Variants in ESR1 observed in about 807,000 individuals in gnomAD.
ESR1 encodes the protein estrogen receptor 1, also known as estrogen receptor.
Under a neutral mutation model 52.7 loss-of-function variants are expected in ESR1, and 12 were observed. The ratio of observed to expected loss-of-function variants is 0.23; its 90% confidence interval spans 0.15 to 0.37. The LOEUF (loss-of-function observed/expected upper bound fraction) is 0.37. ESR1 is among the 10% of genes least tolerant of loss of function. ESR1 has a pLI of 1.00. For missense variants in ESR1, 584 were observed against 779.7 expected, an observed-to-expected ratio of 0.75 and a Z score of 2.99; for synonymous variants, 305 against 316.8, an observed-to-expected ratio of 0.96 and a Z score of 0.39.
At chr6:151,782,867 T>C (rs565279465) in intron 2 of ESR1, among the ~76,000 whole-genome samples, 1 of 152,308 alleles carries the variant, frequency 6.6e-6, no homozygotes, top group South Asian at 2.1e-4. Context: ...CTCTTTCCCA[T>C]ACTCCACATC....
chr6:151,857,153 G>A (rs772106806), intron 2 of ESR1, among the ~76,000 whole-genome samples: 22 of 152,040 alleles, frequency 1.4e-4, no homozygotes, highest in Non-Finnish European at 7.4e-5. Flanking sequence ...GGATTCAACC[G>A]ACTGCAAATC....
chr6:151,756,654 G>A (rs1459472674), intron 2 of ESR1, among the ~76,000 whole-genome samples: 2 of 152,162 alleles, frequency 1.3e-5, no homozygotes, highest in Non-Finnish European at 2.9e-5. Flanking sequence ...GTCAATTATA[G>A]TTTTTGAATA....
chr6:152,027,040 C>T (rs1057307131), intron 5 of ESR1, among the ~76,000 whole-genome samples: 2 of 151,674 alleles, frequency 1.3e-5, no homozygotes, highest in African/African-American at 4.8e-5. Context: ...GATCTCGGCT[C>T]ACTGCAACTT....
At chr6:152,011,262 G>A (rs546090065) in intron 4 of ESR1, among the ~76,000 whole-genome samples, 21 of 152,192 alleles carry the variant, frequency 1.4e-4, no homozygotes, top group African/African-American at 3.6e-4. Context: ...TGGGCATAAG[G>A]CAAGTAATTT....
Position 152,094,442 on chromosome 6 carries a change from A to T in ESR1, c.1427A>T (p.His476Leu), listed in dbSNP as rs1404634697. 4 of 1,613,968 alleles carry T rather than the reference A, an allele frequency of 2.5e-6. No homozygotes were observed. The highest frequency in any genetic ancestry group is 3.4e-6 in the Non-Finnish European group (4 of 1,180,014). The change falls in exon 7 of 8, where the codon CAC becomes CTC. Residue 476 changes from histidine (H) to leucine (L), a missense_variant. By Grantham distance (99) the His-to-Leu change is moderately conservative. Around this residue, in one of 6 missense-constraint regions of ESR1, gnomAD observed 141 missense variants for 289.3 expected, o/e 0.49. Coordinates refer to ENST00000206249, the MANE Select transcript of ESR1 (RefSeq NM_000125.4). This position sits in a 1 kb window ranked among gnomAD's most constrained non-coding sequence, Gnocchi z 4.6. ...LKSLEEKDHI[H>L]RVLDKITDTL... ...TCTCTGGAAGAGAAGGACCATATCC[A>T]CCGAGTCCTGGACAAGATCACAGAC...
intron 2 of ESR1, among the ~76,000 whole-genome samples, chr6:151,737,442 C>G (rs1167603260): frequency 6.6e-6 from 1 of 152,098 alleles, no homozygotes; most frequent in Admixed American, 6.6e-5. Context: ...ATTTTTCTTT[C>G]TATTCTGTTT....
chr6:151,713,762 T>G (rs899696653), intron 2 of ESR1, among the ~76,000 whole-genome samples: 2 of 152,204 alleles, frequency 1.3e-5, no homozygotes, highest in African/African-American at 4.8e-5. Flanking sequence ...AGTCTATCTA[T>G]TTTGTTAATC....
chr6:151,908,780 T>C (rs1008036878), intron 3 of ESR1, among the ~76,000 whole-genome samples: 2 of 152,008 alleles, frequency 1.3e-5, no homozygotes, highest in Non-Finnish European at 2.9e-5. Context: ...AAAAAAAAAC[T>C]GTTCTGAAAC....
intron 2 of ESR1, among the ~76,000 whole-genome samples, chr6:151,847,837 A>T (rs1347274241): frequency 1.3e-5 from 2 of 149,598 alleles, no homozygotes; most frequent in Non-Finnish European, 3.0e-5. Context: ...CTGAATGGTA[A>T]TTCCTAGGTT....
chr6:151,964,132 A>G (rs1422265629), intron 4 of ESR1, among the ~76,000 whole-genome samples: 1 of 152,146 alleles, frequency 6.6e-6, no homozygotes, highest in East Asian at 1.9e-4. Context: ...CTTTTTGCTC[A>G]AGATTGTTTT....
chr6:151,924,933 G>T (rs1260424698), intron 3 of ESR1, among the ~76,000 whole-genome samples: 1 of 151,970 alleles, frequency 6.6e-6, no homozygotes, highest in Non-Finnish European at 1.5e-5. Flanking sequence ...ATGTGCATGT[G>T]TCTTTATGGT....
chr6:151,898,485 A>G (rs1410212497), intron 3 of ESR1, among the ~76,000 whole-genome samples: 2 of 148,124 alleles, frequency 1.4e-5, no homozygotes, highest in East Asian at 4.0e-4. Flanking sequence ...TAGTGGAGGG[A>G]AGGTCAGCAG....
At chr6:151,986,265 C>T (rs975275307) in intron 4 of ESR1, among the ~76,000 whole-genome samples, 2 of 152,064 alleles carry the variant, frequency 1.3e-5, no homozygotes, top group East Asian at 1.9e-4. Flanking sequence ...TATTTTAATA[C>T]GATATTTGTA....
In ESR1 at chr6:151,883,855, A is replaced by T. The variant is rs958590752; in HGVS notation, c.760+3084A>T. The stretch of plus-strand genomic sequence containing the variant: ...TCCCCACATGGCCTTTTCTCGGGGC[A>T]TCCACAGCTTCTTCTTCTTCTTACG... On this transcript the variant is annotated intron_variant, in intron 3 of 7. Coordinates refer to ENST00000206249, the MANE Select transcript of ESR1 (RefSeq NM_000125.4). Among the ~76,000 whole-genome samples, 4 of 152,276 alleles carry T rather than the reference A, an allele frequency of 2.6e-5. No individual in the cohort carries two copies. The South Asian group carries it at 8.3e-4, about 32-fold the overall frequency.
intron 1 of ESR1, among the ~76,000 whole-genome samples, chr6:151,697,794 T>G (rs988118945): frequency 6.6e-6 from 1 of 152,192 alleles, no homozygotes; most frequent in Non-Finnish European, 1.5e-5. Context: ...TTTAGCAAAC[T>G]TCTCTTAGAA....
At chr6:152,122,787 G>C in intron 6 of ESR1, 2 of 1,548,512 alleles carry the variant, frequency 1.3e-6, no homozygotes, top group Non-Finnish European at 1.8e-6. Context: ...GCACACCCCA[G>C]CCTGGCGATC....
chr6:151,684,594 A>T (rs1306886695), intron 1 of ESR1, among the ~76,000 whole-genome samples: 2 of 152,204 alleles, frequency 1.3e-5, no homozygotes, highest in Admixed American at 6.5e-5. Flanking sequence ...TATTTTGGAG[A>T]TACAGCCTGC....
chr6:151,777,123 CTTT>C (rs768370394), intron 2 of ESR1, among the ~76,000 whole-genome samples: 2 of 133,544 alleles, frequency 1.5e-5, no homozygotes, highest in African/African-American at 5.7e-5. Flanking sequence ...CTTTTCTTTT[CTTT>C]TTTTTTTTGA....
intron 2 of ESR1, among the ~76,000 whole-genome samples, chr6:151,708,852 T>C (rs1276702735): frequency 6.6e-6 from 1 of 152,164 alleles, no homozygotes; most frequent in Non-Finnish European, 1.5e-5. Context: ...TAATATGATA[T>C]TTTGAGATAT....
Sources: allele counts gnomAD v4.1 joint callset (sites outside exome capture counted in the v4.1 genomes callset), GRCh38; gene constraint gnomAD v4.1.1; regional missense constraint gnomAD v4.1.1; non-coding constraint Gnocchi (gnomAD v3.1); transcripts MANE v1.5; gene names NCBI Gene and HGNC (gene_info 2026-07-23, HGNC 2026-07-21).